The following RALYL variants were observed in gnomAD, a reference collection of about 807,000 sequenced individuals.
RALYL encodes the protein RALY RNA binding protein like, also known as RNA-binding Raly-like protein.
RALYL carries 29 observed loss-of-function variants against 35.1 expected under a neutral mutation model. The observed-to-expected ratio is 0.83, with a 90% CI of 0.61 to 1.13. The LOEUF (loss-of-function observed/expected upper bound fraction) is 1.13, where lower values mean the gene tolerates loss of function less well. Among genes scored for constraint, RALYL ranks in the 50% most tolerant of loss-of-function variants. The pLI is 0.00. For missense variants in RALYL, 359 were observed against 360.4 expected, an observed-to-expected ratio of 1.00 and a Z score of 0.03; for synonymous variants, 120 against 127.6, an observed-to-expected ratio of 0.94 and a Z score of 0.40.
chr8:84,740,722 C>T (rs1025320004), intron 2 of RALYL, among the ~76,000 whole-genome samples: 2 of 151,880 alleles, frequency 1.3e-5, no homozygotes, highest in Non-Finnish European at 2.9e-5. Flanking sequence ...AAAAATGAAC[C>T]ACAGTTGAAT....
At chr8:84,689,381 A>G (rs1837536872) in intron 2 of RALYL, among the ~76,000 whole-genome samples, 2 of 152,092 alleles carry the variant, frequency 1.3e-5, no homozygotes, top group Admixed American at 6.6e-5. Context: ...TTCCAATTTC[A>G]TCCATGTCCC....
intron 1 of RALYL, among the ~76,000 whole-genome samples, chr8:84,474,760 T>A (rs1380049743): frequency 6.6e-6 from 1 of 152,206 alleles, no homozygotes; most frequent in Non-Finnish European, 1.5e-5. Flanking sequence ...ACTATCTGCA[T>A]TTATTTAGAC....
chr8:84,655,384 A>T (rs1331173825), intron 2 of RALYL, among the ~76,000 whole-genome samples: 1 of 151,714 alleles, frequency 6.6e-6, no homozygotes, highest in East Asian at 1.9e-4. Flanking sequence ...GCTGGAGTGC[A>T]GTGGTGCAAT....
intron 7 of RALYL, among the ~76,000 whole-genome samples, chr8:84,885,616 G>A (rs1295420409): frequency 6.6e-6 from 1 of 152,210 alleles, no homozygotes; most frequent in Non-Finnish European, 1.5e-5. Context: ...AAACATCAAG[G>A]CGTGTATAGC....
chr8:84,342,003 T>A (rs1037403054), intron 1 of RALYL, among the ~76,000 whole-genome samples: 1 of 151,610 alleles, frequency 6.6e-6, no homozygotes, highest in Non-Finnish European at 1.5e-5. Flanking sequence ...ATAGTAAAGA[T>A]TAGATGCATT....
chr8:84,739,092 A>C (rs1340055970), intron 2 of RALYL, among the ~76,000 whole-genome samples: 4 of 152,048 alleles, frequency 2.6e-5, no homozygotes, highest in African/African-American at 7.2e-5. Context: ...TCCATGATTA[A>C]GATATAATTT....
At chr8:84,885,704 A>C (rs1051661065) in intron 7 of RALYL, among the ~76,000 whole-genome samples, 1 of 152,150 alleles carries the variant, frequency 6.6e-6, no homozygotes, top group African/African-American at 2.4e-5. Context: ...TGATACCCGT[A>C]GTAATTATTT....
intron 1 of RALYL, among the ~76,000 whole-genome samples, chr8:84,365,149 G>A (rs545928748): frequency 2.0e-5 from 3 of 152,114 alleles, no homozygotes; most frequent in East Asian, 3.9e-4. Context: ...TATTTACCTG[G>A]TTTTCTTAAT....
At chr8:84,728,164 T>A (rs543459029) in intron 2 of RALYL, among the ~76,000 whole-genome samples, 2 of 151,790 alleles carry the variant, frequency 1.3e-5, no homozygotes, top group Admixed American at 6.6e-5. Flanking sequence ...ATGATTGCCA[T>A]TCTAACTGGT....
At chr8:84,688,559 T>C (rs1298350363) in intron 2 of RALYL, among the ~76,000 whole-genome samples, 1 of 152,094 alleles carries the variant, frequency 6.6e-6, no homozygotes, top group African/African-American at 2.4e-5. Flanking sequence ...TTTTACCCTA[T>C]ATACAAAAAT....
At chr8:84,812,200 G>A (rs1307140674) in intron 4 of RALYL, among the ~76,000 whole-genome samples, 2 of 152,108 alleles carry the variant, frequency 1.3e-5, no homozygotes, top group Non-Finnish European at 2.9e-5. Context: ...TTCTCTTGAT[G>A]TAGTACTCTC....
At chr8:84,812,616 G>A (rs532381668) in intron 4 of RALYL, among the ~76,000 whole-genome samples, 3 of 152,240 alleles carry the variant, frequency 2.0e-5, no homozygotes, top group Non-Finnish European at 1.5e-5. Context: ...GGCTGCTGTG[G>A]GGGACGGAGA....
At chr8:84,472,044 A>G (rs2052837556) in intron 1 of RALYL, among the ~76,000 whole-genome samples, 1 of 152,244 alleles carries the variant, frequency 6.6e-6, no homozygotes, top group Admixed American at 6.5e-5. Context: ...TTCATAAAAT[A>G]GTATGAATAG....
chr8:84,899,995 A>G (rs1008754832), intron 8 of RALYL, among the ~76,000 whole-genome samples: 1 of 152,244 alleles, frequency 6.6e-6, no homozygotes, highest in Non-Finnish European at 1.5e-5. Flanking sequence ...CAGCTATCAA[A>G]CAACGTGATC....
At chr8:84,780,070 A>G (rs1034304483) in intron 3 of RALYL, among the ~76,000 whole-genome samples, 4 of 152,200 alleles carry the variant, frequency 2.6e-5, no homozygotes, top group African/African-American at 9.6e-5. Flanking sequence ...TATAACATCA[A>G]GGATAACACA....
chr8:84,483,855 A>G (rs2054309646), intron 1 of RALYL, among the ~76,000 whole-genome samples: 1 of 152,160 alleles, frequency 6.6e-6, no homozygotes, highest in African/African-American at 2.4e-5. Flanking sequence ...GGAATATTTC[A>G]CATCTTGTTT....
At chr8:84,741,938 C>T (rs1257321681) in intron 2 of RALYL, among the ~76,000 whole-genome samples, 1 of 151,452 alleles carries the variant, frequency 6.6e-6, no homozygotes, top group African/African-American at 2.4e-5. Flanking sequence ...ATTTCCAGGG[C>T]CATTTTTTTT....
rs556281055 is a variant in RALYL, at chr8:84,520,102, A to T, written c.-23-9197A>T. On this transcript the variant is annotated intron_variant, in intron 1 of 8. Coordinates refer to ENST00000521268, the MANE Select transcript of RALYL (RefSeq NM_173848.7). ...CACAAGTGGGTACTGACCTTGACTG[A>T]TCTATTTCCCGCAGTAAAACAAAAC... Among the ~76,000 whole-genome samples, 8 of 152,354 alleles carry T rather than the reference A, an allele frequency of 5.3e-5. No homozygotes were observed. In the South Asian group the frequency reaches 1.2e-3, roughly 24 times the overall value.
At chr8:84,813,523 A>G (rs1053877153) in intron 4 of RALYL, among the ~76,000 whole-genome samples, 1 of 152,230 alleles carries the variant, frequency 6.6e-6, no homozygotes, top group East Asian at 1.9e-4. Flanking sequence ...ACATCAGTTG[A>G]CATGTGAGTA....
Sources: gnomAD v4.1 joint callset for allele counts (sites outside exome capture counted in the v4.1 genomes callset) on GRCh38, gnomAD v4.1.1 for gene constraint, MANE v1.5 for transcripts, NCBI Gene and HGNC (gene_info 2026-07-23, HGNC 2026-07-21) for gene names.